AGL: variants seen among roughly 807,000 people sequenced by gnomAD.
AGL encodes the protein amylo-alpha-1,6-glucosidase and 4-alpha-glucanotransferase, also known as glycogen debranching enzyme.
Under a neutral mutation model 199.3 loss-of-function variants are expected in AGL, and 128 were observed. That is an observed-to-expected ratio of 0.64 (90% CI 0.56 to 0.74). The LOEUF is 0.74. Among genes scored for constraint, AGL ranks in the 30% least tolerant of loss-of-function variants. The pLI, the probability that AGL is intolerant of heterozygous loss-of-function variation, is 0.00. For synonymous variants in AGL, 584 were observed against 594.7 expected (o/e 0.98, Z 0.26); for missense variants, 1,809 against 1,820.8 (o/e 0.99, Z 0.12).
chr1:99,888,057 G>A lies in AGL; in HGVS notation c.2761G>A (p.Gly921Arg), dbSNP rs199868334. Residue 921 changes from glycine (G) to arginine (R), a missense_variant, in exon 21 of 34, where the codon GGG becomes AGG. Physicochemically the swap from Gly to Arg is moderately radical, Grantham distance 125 (BLOSUM62 -2). Coordinates refer to ENST00000361915, the MANE Select transcript of AGL (RefSeq NM_000642.3). Reference protein sequence around the residue: ...CESEEKEDGGGCYDIPNWSAL... With the variant: ...CESEEKEDGGRCYDIPNWSAL... ...ATCAGAAGAAAAGGAAGATGGTGGA[G>A]GGTGCTATGACATACCAAACTGGTC... The A allele has an allele frequency of 6.2e-6, 10 of 1,613,458 alleles. No homozygotes were observed. The highest frequency in any genetic ancestry group is 3.3e-4 in the Middle Eastern group (2 of 6,076).
chr1:99,909,552 T>C (rs921048837), intron 27 of AGL, among the ~76,000 whole-genome samples: 1 of 152,000 alleles, frequency 6.6e-6, no homozygotes, highest in Non-Finnish European at 1.5e-5. Flanking sequence ...TTGGCTAGAG[T>C]CAATTGGTTT....
intron 33 of AGL, 76 bp from the exon 34 acceptor site, chr1:99,921,458 A>G (rs1655504608): frequency 9.4e-7 from 1 of 1,065,124 alleles, no homozygotes. Context: ...CTAGAAGGCA[A>G]AAATCACCAG....
At chr1:99,919,348 A>T (rs770466576) in intron 33 of AGL, among the ~76,000 whole-genome samples, 9 of 152,322 alleles carry the variant, frequency 5.9e-5, no homozygotes, top group Non-Finnish European at 1.3e-4. Context: ...AATTCTGTCC[A>T]TACTACTTCC....
In AGL at chr1:99,862,274, G is replaced by T. The variant is rs371973678; in HGVS notation, c.311G>T (p.Gly104Val). The T allele has an allele frequency of 2.5e-5, 40 of 1,613,872 alleles. No homozygotes were observed. Among genetic ancestry groups the T allele is most frequent in the Non-Finnish European group, 3.1e-5 (36 of 1,180,000 alleles). Residue 104 changes from glycine to valine, a missense_variant, in exon 4 of 34, where the codon GGA (glycine) becomes GTA (valine). Physicochemically the swap from Gly to Val is moderately radical, Grantham distance 109 (BLOSUM62 -3). Transcript: ENST00000361915. ...YFLQGNEKSG[G>V]GYIVVDPILR... ...TCCCTTAGAAATGAGAAAAGTGGTG[G>T]AGGTTACATAGTTGTGGACCCCATT...
At position 99,896,354 on chromosome 1, in the gene AGL, AT is replaced by A; in HGVS notation, c.3329del (p.Ile1110AsnfsTer3). On this transcript the variant is annotated frameshift_variant, in exon 25 of 34. Coordinates refer to ENST00000361915, the MANE Select transcript of AGL (RefSeq NM_000642.3). LOFTEE classifies it high-confidence loss of function. ...GGATACTTTTATTGCACTTAGAGGT[AT>A]ACTGCTGATTACTGGACGCTATGTA... Reference protein sequence around the residue: ...GRDTFIALRGILLITGRYVEA... With the variant: ...GRDTFIALRGXLLITGRYVEA... 1 of 1,614,072 alleles carries A rather than the reference AT, an allele frequency of 6.2e-7. No individual in the cohort carries two copies. The highest frequency in any genetic ancestry group is 8.5e-7 in the Non-Finnish European group (1 of 1,179,966).
chr1:99,918,377 A>G (rs1262901600), intron 33 of AGL, among the ~76,000 whole-genome samples: 1 of 152,172 alleles, frequency 6.6e-6, no homozygotes, highest in Non-Finnish European at 1.5e-5. Context: ...GAATATGATT[A>G]CAGTGACTCT....
intron 17 of AGL, among the ~76,000 whole-genome samples, chr1:99,883,389 G>A (rs1652201820): frequency 6.6e-6 from 1 of 151,984 alleles, no homozygotes; most frequent in South Asian, 2.1e-4. Context: ...ATATGCACAA[G>A]AATATTTATT....
Position 99,861,611 on chromosome 1 carries a change from C to A in AGL, c.191C>A (p.Ser64Tyr). 1 of 1,613,920 alleles carries A rather than the reference C, an allele frequency of 6.2e-7. No individual in the cohort carries two copies. The highest frequency in any genetic ancestry group is 1.1e-5 in the South Asian group (1 of 91,070). The change falls in exon 3 of 34, where the codon TCT becomes TAT. Residue 64 changes from serine to tyrosine, a missense_variant. By Grantham distance (144) the Ser-to-Tyr change is moderately radical (BLOSUM62 -2). Transcript: ENST00000361915. ...GETFNREKFR[S>Y]LDWENPTERE... ...ACATTTAATAGAGAAAAATTCCGTTCTCTGGATTGGGAAAATCCAACAGAA... is the reference window on the plus strand; with the variant it reads ...ACATTTAATAGAGAAAAATTCCGTTATCTGGATTGGGAAAATCCAACAGAA...
At position 99,870,757 on chromosome 1, in the gene AGL, G is replaced by A; in HGVS notation, c.847-1G>A. On this transcript the variant is annotated splice_acceptor_variant, in intron 6 of 33. Transcript: ENST00000361915. LOFTEE classifies it high-confidence loss of function. ...ATTTTTTAACTATTGACATTTTTCA[G>A]TCCATCCGAAAAATAATTTGGGAGG... 6.3e-7 allele frequency: 1 copy of A among 1,581,086 alleles called. No homozygotes were observed.
chr1:99,860,980 C>T (rs1303824441), intron 2 of AGL, among the ~76,000 whole-genome samples: 2 of 152,182 alleles, frequency 1.3e-5, no homozygotes, highest in Non-Finnish European at 2.9e-5. Context: ...CTGAATTCTG[C>T]CTCTATAGAG....
intron 2 of AGL, among the ~76,000 whole-genome samples, chr1:99,855,473 C>A (rs143536494): frequency 6.6e-6 from 1 of 152,052 alleles, no homozygotes; most frequent in Admixed American, 6.5e-5. Flanking sequence ...ATAGCTTTTT[C>A]GCTTATTTCC....
At chr1:99,897,360 A>G (rs1570474727) in intron 25 of AGL, among the ~76,000 whole-genome samples, 1 of 152,208 alleles carries the variant, frequency 6.6e-6, no homozygotes, top group Non-Finnish European at 1.5e-5. Flanking sequence ...CTGGATGATT[A>G]TCAACAGTCT....
At chr1:99,868,726 G>A (rs1650741312) in intron 5 of AGL, among the ~76,000 whole-genome samples, 1 of 152,068 alleles carries the variant, frequency 6.6e-6, no homozygotes, top group African/African-American at 2.4e-5. Flanking sequence ...AGGCTGCAGT[G>A]AGCTATGATT....
chr1:99,881,557 T>C lies in AGL; in HGVS notation c.2174T>C (p.Val725Ala), dbSNP rs770995943. The C allele has an allele frequency of 1.2e-6, 2 of 1,613,856 alleles. No individual in the cohort carries two copies. The highest frequency in any genetic ancestry group is 1.1e-5 in the South Asian group (1 of 91,080). Residue 725 changes from valine to alanine, a missense_variant, in exon 17 of 34, where the codon GTT (valine) becomes GCT (alanine). Val to Ala is a moderately conservative substitution (Grantham distance 64). Transcript: ENST00000361915. Reference sequence around the variant, plus strand: ...GCTTCTCAGGTGTATGTGGATCAAGTTGATGAAGACATAGTGGCAGTAACA... The same window carrying C: ...GCTTCTCAGGTGTATGTGGATCAAGCTGATGAAGACATAGTGGCAGTAACA... The part of the protein sequence containing the change: ...KGFIQVYVDQ[V>A]DEDIVAVTRH...
intron 2 of AGL, among the ~76,000 whole-genome samples, chr1:99,857,805 A>AGGAGGAG (rs1553182558): frequency 2.9e-5 from 1 of 34,348 alleles, no homozygotes; most frequent in Non-Finnish European, 5.6e-5. Flanking sequence ...GACCGTGGGG[A>AGGAGGAG]GGGGGAGGGG....
chr1:99,877,493 C>G, intron 11 of AGL, 148 bp from the exon 12 acceptor site: 1 of 681,826 alleles, frequency 1.5e-6, no homozygotes, highest in Non-Finnish European at 2.5e-6. Context: ...TTTTTTAAAA[C>G]ATTATCTCAT....
At chr1:99,861,320 C>A (rs1650012713) in intron 2 of AGL, 183 bp from the exon 3 acceptor site, 14 of 1,469,572 alleles carry the variant, frequency 9.5e-6, no homozygotes, top group South Asian at 1.4e-5. Flanking sequence ...ACTATACTTG[C>A]TAAAATGTGA....
rs1210109368 is a variant in AGL, at chr1:99,884,615, A to G, written c.2593A>G (p.Asn865Asp). The G allele has an allele frequency of 6.2e-7, 1 of 1,613,944 alleles. No homozygotes were observed. Among genetic ancestry groups the G allele is most frequent in the South Asian group, 1.1e-5 (1 of 91,078 alleles). ...HAQVAVGILR[N>D]HLTQFSPHFK... ...ACAAGTCGCTGTTGGAATTCTTCGA[A>G]ATCATCTGACACAATTCAGTCCTCA... The change falls in exon 20 of 34, where the codon AAT becomes GAT. Residue 865 changes from asparagine to aspartate, a missense_variant. Asn to Asp is a conservative substitution (Grantham distance 23, BLOSUM62 1). Coordinates refer to ENST00000361915, the MANE Select transcript of AGL (RefSeq NM_000642.3).
At chr1:99,904,383 C>A (rs1418928340) in intron 27 of AGL, among the ~76,000 whole-genome samples, 2 of 151,484 alleles carry the variant, frequency 1.3e-5, no homozygotes, top group African/African-American at 4.8e-5. Context: ...AAAAATGATA[C>A]ATAGTATGCC....
Sources: gnomAD v4.1 joint callset for allele counts (sites outside exome capture counted in the v4.1 genomes callset) on GRCh38, gnomAD v4.1.1 for gene constraint, MANE v1.5 for transcripts, NCBI Gene and HGNC (gene_info 2026-07-23, HGNC 2026-07-21) for gene names.